SRD5A1: variants seen among roughly 807,000 people sequenced by gnomAD.
SRD5A1 encodes the protein 3-oxo-5-alpha-steroid 4-dehydrogenase 1.
A neutral mutation model predicts 28.2 loss-of-function variants in SRD5A1; 22 were observed. That is an observed-to-expected ratio of 0.78 (90% CI 0.56 to 1.12). The LOEUF is 1.12. Among genes scored for constraint, SRD5A1 ranks in the 50% most tolerant of loss-of-function variants. The pLI, the probability that SRD5A1 is intolerant of heterozygous loss-of-function variation, is 0.00. For missense variants in SRD5A1, 300 were observed against 346.7 expected, an observed-to-expected ratio of 0.87 and a Z score of 1.07; for synonymous variants, 151 against 135.0, an observed-to-expected ratio of 1.12 and a Z score of -0.82.
intron 4 of SRD5A1, among the ~76,000 whole-genome samples, chr5:6,663,222 A>G (rs1167623524): frequency 2.0e-5 from 3 of 152,214 alleles, no homozygotes; most frequent in Non-Finnish European, 4.4e-5. Flanking sequence ...TCAGTGGTCA[A>G]GTTAGACACC....
At chr5:6,645,200 ACT>A in intron 1 of SRD5A1, 1 of 336,574 alleles carries the variant, frequency 3.0e-6, no homozygotes, top group South Asian at 2.3e-5. Context: ...TTATGTGATT[ACT>A]GTCGACGTTC....
intron 3 of SRD5A1, among the ~76,000 whole-genome samples, chr5:6,658,268 T>G (rs1247565843): frequency 3.9e-5 from 6 of 152,098 alleles, no homozygotes; most frequent in African/African-American, 1.4e-4. Flanking sequence ...GAGGGTGCAG[T>G]TAGCTGAGAT....
intron 1 of SRD5A1, among the ~76,000 whole-genome samples, chr5:6,639,595 T>G (rs1738300129): frequency 6.6e-6 from 1 of 152,218 alleles, no homozygotes; most frequent in Admixed American, 6.5e-5. Flanking sequence ...CCTGGGTGCT[T>G]ATAGGGCACT....
chr5:6,643,269 C>T (rs1738416355), intron 1 of SRD5A1, among the ~76,000 whole-genome samples: 1 of 152,044 alleles, frequency 6.6e-6, no homozygotes, highest in South Asian at 2.1e-4. Flanking sequence ...CACCCAGAGC[C>T]GACAAAGACT....
rs1203697303 is a variant in SRD5A1, at chr5:6,673,607, T to A, written c.*5339T>A. 1 of 152,230 alleles carries A rather than the reference T, an allele frequency of 6.6e-6. No individual in the cohort carries two copies. The highest frequency in any genetic ancestry group is 2.4e-5 in the African/African-American group (1 of 41,464). The allele number at this position is 152,230 out of a possible 1,614,324, so 9.4% of individuals were successfully genotyped here. A position where few individuals can be genotyped will look rare whatever the true frequency, so the allele number is the denominator to read the frequency against. On this transcript the variant is annotated 3_prime_UTR_variant, in exon 5 of 5. Coordinates refer to ENST00000274192, the MANE Select transcript of SRD5A1 (RefSeq NM_001047.4). ...TGTTTACCCAAAGGAGTTGAAAACA[T>A]GTCCACACAGAAAACCTGCACATGA...
intron 2 of SRD5A1, among the ~76,000 whole-genome samples, chr5:6,655,655 C>T (rs528074729): frequency 2.2e-4 from 33 of 152,354 alleles, no homozygotes; most frequent in African/African-American, 7.5e-4. Context: ...CAGAGCAGCA[C>T]AGGAGCATCA....
At chr5:6,646,081 G>A (rs1738503542) in intron 1 of SRD5A1, among the ~76,000 whole-genome samples, 1 of 152,104 alleles carries the variant, frequency 6.6e-6, no homozygotes, top group South Asian at 2.1e-4. Flanking sequence ...ACTTATGAGT[G>A]AAGACATGCA....
Position 6,662,946 on chromosome 5 carries a change from T to A in SRD5A1, c.693T>A (p.Gly231=), listed in dbSNP as rs1579415058. 3 of 1,614,234 alleles carry A rather than the reference T, an allele frequency of 1.9e-6. No individual in the cohort carries two copies. Among genetic ancestry groups the A allele is most frequent in the South Asian group, 1.1e-5 (1 of 91,086 alleles). Residue 231 remains glycine, a synonymous_variant, in exon 4 of 5, where the codon GGT becomes GGA. Coordinates refer to ENST00000274192, the MANE Select transcript of SRD5A1 (RefSeq NM_001047.4). ...FAFFTFCFLS[G]RAKEHHEWYL... is the part of the protein sequence containing the mutation. ...TCTTCACGTTTTGTTTTTTATCTGG[T>A]AGAGCAAAAGAGCATCATGAGTAAG...
intron 3 of SRD5A1, among the ~76,000 whole-genome samples, chr5:6,657,995 G>C (rs537862085): frequency 4.6e-5 from 7 of 152,328 alleles, no homozygotes; most frequent in African/African-American, 1.7e-4. Flanking sequence ...ACAAAGCAGG[G>C]GAAAATTGTA....
chr5:6,666,805 G>A (rs1054889783), intron 4 of SRD5A1, among the ~76,000 whole-genome samples: 3 of 152,140 alleles, frequency 2.0e-5, no homozygotes, highest in African/African-American at 7.2e-5. Context: ...TGGTGGGGGG[G>A]CGCGTTTTCT....
chr5:6,662,982 C>CT lies in SRD5A1; in HGVS notation c.713+20dup. On this transcript the variant is annotated intron_variant, in intron 4 of 4. Coordinates refer to ENST00000274192, the MANE Select transcript of SRD5A1 (RefSeq NM_001047.4). ...AGCATCATGAGTAAGTTTTAAAACA[C>CT]TTTTACCATTTGTAATTTGTTCTTT... 6.2e-7 allele frequency: 1 copy of CT among 1,612,596 alleles called. No homozygotes were observed.
Position 6,633,662 on chromosome 5 carries a change from C to A in SRD5A1, c.86C>A (p.Ala29Glu). ...TGCGCCGTGGGCTGCGCGGTCTTCGCGCGCAATCGTCAGACGAACTCAGTG... is the reference window on the plus strand; with the variant it reads ...TGCGCCGTGGGCTGCGCGGTCTTCGAGCGCAATCGTCAGACGAACTCAGTG... The part of the protein sequence containing the change: ...LQCAVGCAVF[A>E]RNRQTNSVYG... The change falls in exon 1 of 5, where the codon GCG (alanine) becomes GAG (glutamate). Residue 29 changes from alanine (A) to glutamate (E), a missense_variant. Around this residue, in one of 2 missense-constraint regions of SRD5A1, gnomAD observed 174 missense variants for 160.9 expected, o/e 1.08. Coordinates refer to ENST00000274192, the MANE Select transcript of SRD5A1 (RefSeq NM_001047.4). 1 of 1,577,666 alleles carries A rather than the reference C, an allele frequency of 6.3e-7. No individual in the cohort carries two copies. Among genetic ancestry groups the A allele is most frequent in the South Asian group, 1.1e-5 (1 of 89,234 alleles).
At chr5:6,666,559 A>G (rs1488448945) in intron 4 of SRD5A1, among the ~76,000 whole-genome samples, 4 of 152,260 alleles carry the variant, frequency 2.6e-5, no homozygotes, top group Non-Finnish European at 1.5e-5. Flanking sequence ...TTTCTAGGTC[A>G]GAAACAGTCA....
At chr5:6,648,740 C>T (rs1189843170) in intron 1 of SRD5A1, among the ~76,000 whole-genome samples, 1 of 152,130 alleles carries the variant, frequency 6.6e-6, no homozygotes, top group Non-Finnish European at 1.5e-5. Flanking sequence ...TTTGTTATTA[C>T]CCGCCTTCTG....
At chr5:6,643,997 C>T (rs1166565764) in intron 1 of SRD5A1, among the ~76,000 whole-genome samples, 1 of 152,154 alleles carries the variant, frequency 6.6e-6, no homozygotes, top group Non-Finnish European at 1.5e-5. Flanking sequence ...GGTCAGAATT[C>T]AACCCACAAC....
intron 1 of SRD5A1, among the ~76,000 whole-genome samples, chr5:6,644,428 A>G (rs1333550763): frequency 6.6e-6 from 1 of 152,030 alleles, no homozygotes; most frequent in Non-Finnish European, 1.5e-5. Context: ...TCTCACCTCT[A>G]TCCTGCAGTT....
intron 3 of SRD5A1, among the ~76,000 whole-genome samples, chr5:6,660,762 C>T (rs965119657): frequency 3.9e-5 from 6 of 152,210 alleles, no homozygotes; most frequent in Admixed American, 3.9e-4. Flanking sequence ...TCTGTTTTCA[C>T]TCTGCTATAA....
chr5:6,658,711 G>C (rs1195158156), intron 3 of SRD5A1, among the ~76,000 whole-genome samples: 2 of 152,110 alleles, frequency 1.3e-5, no homozygotes, highest in African/African-American at 4.8e-5. Flanking sequence ...GCTCAGCCTT[G>C]CTTAGCTTCC....
intron 1 of SRD5A1, among the ~76,000 whole-genome samples, chr5:6,651,509 A>G (rs1221227532): frequency 6.6e-6 from 1 of 152,028 alleles, no homozygotes; most frequent in Non-Finnish European, 1.5e-5. Context: ...AATAATAATA[A>G]TAATAATAAG....
Sources: allele counts gnomAD v4.1 joint callset (sites outside exome capture counted in the v4.1 genomes callset), GRCh38; gene constraint gnomAD v4.1.1; regional missense constraint gnomAD v4.1.1; transcripts MANE v1.5; gene names NCBI Gene and HGNC (gene_info 2026-07-23, HGNC 2026-07-21).